Variants in WDR47 observed in about 807,000 individuals in gnomAD.
WDR47 encodes WD repeat-containing protein 47.
A neutral mutation model predicts 97.2 loss-of-function variants in WDR47; 32 were observed. The observed-to-expected ratio is 0.33, with a 90% CI of 0.25 to 0.44. WDR47 has a LOEUF of 0.44. Among genes scored for constraint, WDR47 ranks in the 20% least tolerant of loss-of-function variants. The pLI is 1.00. For missense variants in WDR47, 782 were observed against 1,102.3 expected (o/e 0.71, Z 4.11); for synonymous variants, 375 against 373.5 (o/e 1.00, Z -0.05).
At chr1:108,979,215 A>G (rs573779916) in intron 13 of WDR47, among the ~76,000 whole-genome samples, 1 of 152,358 alleles carries the variant, frequency 6.6e-6, no homozygotes, top group South Asian at 2.1e-4. Context: ...TGGTAAGTGT[A>G]TAGAAACTAC....
chr1:108,989,263 G>T (rs1049394805), intron 9 of WDR47, among the ~76,000 whole-genome samples: 2 of 152,204 alleles, frequency 1.3e-5, no homozygotes, highest in African/African-American at 4.8e-5. Context: ...GCTTTGAGAA[G>T]TATGAATGTC....
Position 108,982,618 on chromosome 1 carries a change from C to T in WDR47, c.2257G>A (p.Gly753Arg). The T allele has an allele frequency of 6.2e-7, 1 of 1,600,322 alleles. No individual in the cohort carries two copies. Among genetic ancestry groups the T allele is most frequent in the Non-Finnish European group, 8.5e-7 (1 of 1,176,380 alleles). The change falls in exon 12 of 15, where the codon GGA (glycine) becomes AGA (arginine). Residue 753 changes from glycine to arginine, a missense_variant. Physicochemically the swap from Gly to Arg is moderately radical, Grantham distance 125. Around this residue, in one of 3 missense-constraint regions of WDR47, gnomAD observed 228 missense variants for 396.7 expected, o/e 0.57. Coordinates refer to ENST00000369962, the MANE Select transcript of WDR47 (RefSeq NM_001142551.2). Reference protein sequence around the residue: ...QRGQGLHALSGHTGHILALYT... With the variant: ...QRGQGLHALSRHTGHILALYT... ...AACTGATATTACATACCAGTATGTC[C>T]ACTCAAAGCATGGAGGCCCTGTCCT... is the stretch of plus-strand genomic sequence containing the variant.
chr1:109,024,647 C>A (rs559236682), intron 1 of WDR47, among the ~76,000 whole-genome samples: 79 of 152,250 alleles, frequency 5.2e-4, no homozygotes, highest in African/African-American at 1.9e-3. Context: ...TCTAATTTTA[C>A]CAGTGAAGCC....
At chr1:108,989,411 G>C (rs1212636871) in intron 9 of WDR47, among the ~76,000 whole-genome samples, 1 of 152,218 alleles carries the variant, frequency 6.6e-6, no homozygotes, top group African/African-American at 2.4e-5. Flanking sequence ...CTCCTTGCAG[G>C]AGTAGGGGGG....
At chr1:109,023,237 T>C (rs950964092) in intron 2 of WDR47, 118 bp downstream of exon 2, 5 of 955,850 alleles carry the variant, frequency 5.2e-6, no homozygotes, top group Non-Finnish European at 7.0e-6. Flanking sequence ...TTTTTAAAAT[T>C]ATACTTACAT....
intron 2 of WDR47, among the ~76,000 whole-genome samples, 185 bp from the exon 3 acceptor site, chr1:109,017,786 G>T (rs554040364): frequency 2.7e-5 from 4 of 147,152 alleles, no homozygotes; most frequent in Non-Finnish European, 6.0e-5. Context: ...TCGCTCTGTT[G>T]CCCAGGCTGG....
Position 108,982,775 on chromosome 1 carries a change from T to C in WDR47, c.2100A>G (p.Pro700=). 1.2e-6 allele frequency: 2 copies of C among 1,602,382 alleles called. No individual in the cohort carries two copies. The highest frequency in any genetic ancestry group is 4.5e-5 in the East Asian group (2 of 44,836). Residue 700 remains proline (P), a synonymous_variant, in exon 12 of 15, where the codon CCA becomes CCG. Coordinates refer to ENST00000369962, the MANE Select transcript of WDR47 (RefSeq NM_001142551.2). ...CATCATGCATACTAAATTCCAGATC[T>C]GGTCCTGAAACAGTAGTAAGAATTA... The part of the protein sequence containing the change: ...FNAETCNATG[P]DLEFSMHDGT...
At chr1:109,010,538 C>T (rs1660960810) in intron 5 of WDR47, among the ~76,000 whole-genome samples, 2 of 151,762 alleles carry the variant, frequency 1.3e-5, no homozygotes, top group African/African-American at 4.8e-5. Flanking sequence ...AACATATACA[C>T]ACTATAATTA....
At chr1:109,012,589 A>AAAC (rs1350960172) in intron 4 of WDR47, among the ~76,000 whole-genome samples, 1 of 151,166 alleles carries the variant, frequency 6.6e-6, no homozygotes, top group African/African-American at 2.4e-5. Flanking sequence ...AAAAAAAAAA[A>AAAC]ACAGAAAGGG....
intron 2 of WDR47, among the ~76,000 whole-genome samples, chr1:109,021,224 T>C (rs1321118590): frequency 6.6e-6 from 1 of 152,066 alleles, no homozygotes; most frequent in Non-Finnish European, 1.5e-5. Context: ...AAGGAAATAA[T>C]CCAATATATA....
rs139705132 is a variant in WDR47 at position 109,030,858 on chromosome 1, C to T, written c.-9-7337G>A. Among the ~76,000 whole-genome samples the T allele has an allele frequency of 9.0e-4, 125 of 138,238 alleles. 21 individuals carry two copies. The highest frequency in any genetic ancestry group is 3.1e-3 in the African/African-American group (119 of 38,586). The allele number at this position is 138,238 out of a possible 152,430, so 90.7% of individuals were successfully genotyped here. ...TGCCAGGTCATTTAATTTTAAATGT[C>T]CAGACCTGCAGGAATATATATGTGA... On this transcript the variant is annotated intron_variant, in intron 1 of 14. Transcript: ENST00000369962.
chr1:109,004,057 G>A (rs941083449), intron 6 of WDR47, among the ~76,000 whole-genome samples: 41 of 152,066 alleles, frequency 2.7e-4, no homozygotes, highest in African/African-American at 9.9e-4. Context: ...GAGGTCAGGA[G>A]ATCGAGACCA....
chr1:108,974,573 G>A lies in WDR47; in HGVS notation c.2580C>T (p.Gly860=), dbSNP rs1425430305. 3.1e-6 allele frequency: 5 copies of A among 1,614,100 alleles called. No individual in the cohort carries two copies. The highest frequency in any genetic ancestry group is 3.4e-6 in the Non-Finnish European group (4 of 1,180,008). ...FSPGAHYLLT[G]SYDMKIKVTD... Reference sequence around the variant, plus strand: ...TCACCTTTATTTTCATATCATAAGAGCCTGTTAGCAAGTAGTGAGCTCCAG... The same window carrying A: ...TCACCTTTATTTTCATATCATAAGAACCTGTTAGCAAGTAGTGAGCTCCAG... The change falls in exon 14 of 15, where the codon GGC becomes GGT. Residue 860 remains glycine, a synonymous_variant. Transcript: ENST00000369962.
chr1:109,014,999 G>A (rs766571214), intron 3 of WDR47, among the ~76,000 whole-genome samples: 2 of 151,988 alleles, frequency 1.3e-5, no homozygotes, highest in African/African-American at 4.8e-5. Flanking sequence ...AGTTCAGCAA[G>A]GCCTCAAAAA....
intron 1 of WDR47, among the ~76,000 whole-genome samples, chr1:109,035,749 G>A (rs1394626054): frequency 6.6e-6 from 1 of 151,776 alleles, no homozygotes; most frequent in Admixed American, 6.6e-5. Context: ...ACCCACCTCG[G>A]TCTCCCAAAA....
intron 1 of WDR47, 83 bp from the exon 2 acceptor site, chr1:109,023,604 G>A: frequency 1.5e-6 from 2 of 1,369,684 alleles, no homozygotes; most frequent in African/African-American, 1.4e-5. Flanking sequence ...CACATAACAG[G>A]TTTACTGGGA....
rs2102031143 is a variant in WDR47 at position 109,030,694 on chromosome 1, A to G, written c.-9-7173T>C. On this transcript the variant is annotated intron_variant, in intron 1 of 14. Transcript: ENST00000369962. ...AACAAAAATGCAGACAAGAAGATGA[A>G]GTGTCATGAAGCTTTTCAATAAAAT... 1.4e-5 allele frequency among the ~76,000 whole-genome samples: 2 copies of G among 140,186 alleles called. 1 individual carries two copies. Among genetic ancestry groups the G allele is most frequent in the South Asian group, 4.5e-4 (2 of 4,432 alleles). The allele number at this position is 140,186 out of a possible 152,430, so 92.0% of individuals were successfully genotyped here. A position where few individuals can be genotyped will look rare whatever the true frequency, so the allele number is the denominator to read the frequency against.
Position 108,991,313 on chromosome 1 carries a change from C to A in WDR47, c.1708G>T (p.Val570Phe). 1.2e-6 allele frequency: 2 copies of A among 1,611,998 alleles called. No homozygotes were observed. The highest frequency in any genetic ancestry group is 1.1e-5 in the South Asian group (1 of 90,828). Reference protein sequence around the residue: ...CGSQISSEHSVIKPPLGDSPG... With the variant: ...CGSQISSEHSFIKPPLGDSPG... ...GAATCTCCAAGAGGTGGCTTAATGA[C>A]CGAATGTTCTGAAGAGCTGTGGGAG... Residue 570 changes from valine to phenylalanine, a missense_variant, in exon 9 of 15, where the codon GTC becomes TTC. Val to Phe is a conservative substitution (Grantham distance 50). Coordinates refer to ENST00000369962, the MANE Select transcript of WDR47 (RefSeq NM_001142551.2).
At chr1:109,040,245 T>C (rs756700551) in intron 1 of WDR47, among the ~76,000 whole-genome samples, 4 of 152,176 alleles carry the variant, frequency 2.6e-5, no homozygotes, top group Non-Finnish European at 4.4e-5. Flanking sequence ...AGCTTACTGA[T>C]CTACTAAGGA....
Sources: allele counts gnomAD v4.1 joint callset (sites outside exome capture counted in the v4.1 genomes callset), GRCh38; gene constraint gnomAD v4.1.1; regional missense constraint gnomAD v4.1.1; transcripts MANE v1.5; gene names NCBI Gene and HGNC (gene_info 2026-07-23, HGNC 2026-07-21).